Variants in PTPRM observed in about 807,000 individuals in gnomAD.
PTPRM encodes protein tyrosine phosphatase receptor type M.
In PTPRM, 47 loss-of-function variants were observed where a neutral mutation model predicts 186.7. That is an observed-to-expected ratio of 0.25 (90% CI 0.20 to 0.32). The LOEUF is 0.32. Among genes scored for constraint, PTPRM ranks in the 10% least tolerant of loss-of-function variants. The pLI is 1.00. For missense variants in PTPRM, 1,494 were observed against 1,865.0 expected, an observed-to-expected ratio of 0.80 and a Z score of 3.66; for synonymous variants, 668 against 674.9, an observed-to-expected ratio of 0.99 and a Z score of 0.16.
intron 15 of PTPRM, among the ~76,000 whole-genome samples, chr18:8,246,292 G>A (rs989091138): frequency 6.6e-6 from 1 of 152,150 alleles, no homozygotes; most frequent in Non-Finnish European, 1.5e-5. Context: ...TGTGAAGTGA[G>A]CAGTTTTTAG....
chr18:8,194,128 A>T (rs2093744046), intron 14 of PTPRM, among the ~76,000 whole-genome samples: 1 of 152,140 alleles, frequency 6.6e-6, no homozygotes, highest in South Asian at 2.1e-4. Flanking sequence ...CCCTTATTTT[A>T]TGTGTCTAAA....
chr18:8,268,494 A>G (rs905420741), intron 19 of PTPRM, among the ~76,000 whole-genome samples: 23 of 152,276 alleles, frequency 1.5e-4, no homozygotes, highest in African/African-American at 5.5e-4. Context: ...AATTCTACCA[A>G]ACATTTAAAG....
At chr18:8,320,652 A>G (rs1188873367) in intron 22 of PTPRM, among the ~76,000 whole-genome samples, 2 of 152,208 alleles carry the variant, frequency 1.3e-5, no homozygotes, top group Non-Finnish European at 2.9e-5. Context: ...CTATGGCTGA[A>G]ATGGAGCCAC....
chr18:8,390,642 G>A (rs2095804939), intron 31 of PTPRM, among the ~76,000 whole-genome samples: 1 of 152,168 alleles, frequency 6.6e-6, no homozygotes, highest in African/African-American at 2.4e-5. Flanking sequence ...GACAAAAGAT[G>A]TCCCAGCCCA....
At chr18:8,084,658 C>G (rs547164086) in intron 9 of PTPRM, among the ~76,000 whole-genome samples, 2 of 152,200 alleles carry the variant, frequency 1.3e-5, no homozygotes, top group East Asian at 3.9e-4. Context: ...ACATAAATTA[C>G]AAGTAAGTTT....
At chr18:7,709,621 G>C (rs1388925666) in intron 1 of PTPRM, among the ~76,000 whole-genome samples, 1 of 152,002 alleles carries the variant, frequency 6.6e-6, no homozygotes, top group Non-Finnish European at 1.5e-5. Context: ...CAAAAAGCTG[G>C]TTATTTGAAA....
chr18:7,864,289 G>A (rs1205984093), intron 2 of PTPRM, among the ~76,000 whole-genome samples: 1 of 152,140 alleles, frequency 6.6e-6, no homozygotes, highest in African/African-American at 2.4e-5. Flanking sequence ...TGTCCTGAAT[G>A]GTATTGACTA....
intron 14 of PTPRM, among the ~76,000 whole-genome samples, chr18:8,172,979 G>T (rs988246157): frequency 2.0e-5 from 3 of 152,058 alleles, no homozygotes; most frequent in Non-Finnish European, 2.9e-5. Context: ...TGTTTTTCTT[G>T]TGCTTATTTA....
chr18:8,081,831 C>A (rs911438272), intron 9 of PTPRM, among the ~76,000 whole-genome samples: 15 of 152,100 alleles, frequency 9.9e-5, no homozygotes, highest in Non-Finnish European at 2.2e-4. Context: ...GGGAGAGGAT[C>A]TGTAATTTTT....
intron 2 of PTPRM, among the ~76,000 whole-genome samples, chr18:7,810,625 G>T (rs138631952): frequency 2.0e-3 from 308 of 152,148 alleles, no homozygotes; most frequent in African/African-American, 7.2e-3. Context: ...GACTGGGGTG[G>T]GGGGAGGAGG....
At chr18:7,828,892 A>G (rs1034297666) in intron 2 of PTPRM, among the ~76,000 whole-genome samples, 4 of 152,150 alleles carry the variant, frequency 2.6e-5, no homozygotes, top group African/African-American at 9.7e-5. Flanking sequence ...CGTTTACACA[A>G]ATGAATGATG....
chr18:7,747,116 G>A (rs1265090266), intron 1 of PTPRM, among the ~76,000 whole-genome samples: 1 of 152,086 alleles, frequency 6.6e-6, no homozygotes, highest in Non-Finnish European at 1.5e-5. Context: ...CTTTTCTCTG[G>A]CTTTTTTGAT....
intron 14 of PTPRM, among the ~76,000 whole-genome samples, chr18:8,213,136 T>G (rs1244734629): frequency 6.6e-6 from 1 of 152,188 alleles, no homozygotes; most frequent in Admixed American, 6.5e-5. Context: ...GTCATGAACA[T>G]TTCATCATAG....
chr18:8,006,999 G>T (rs7233195), intron 7 of PTPRM, among the ~76,000 whole-genome samples: 1 of 151,994 alleles, frequency 6.6e-6, no homozygotes, highest in East Asian at 1.9e-4. Flanking sequence ...TGTCAACTCT[G>T]TCCAAAAGGT....
At chr18:8,197,494 C>A (rs1380784348) in intron 14 of PTPRM, among the ~76,000 whole-genome samples, 1 of 152,190 alleles carries the variant, frequency 6.6e-6, no homozygotes, top group Non-Finnish European at 1.5e-5. Context: ...ACTTTCATTT[C>A]CATTCACAGG....
intron 7 of PTPRM, among the ~76,000 whole-genome samples, chr18:7,972,635 C>T (rs2054635452): frequency 6.6e-6 from 1 of 151,460 alleles, no homozygotes; most frequent in African/African-American, 2.4e-5. Flanking sequence ...TATTCTTTAG[C>T]TCAGCTATAA....
intron 23 of PTPRM, among the ~76,000 whole-genome samples, chr18:8,360,147 A>T (rs2095588182): frequency 6.6e-6 from 1 of 152,240 alleles, no homozygotes; most frequent in South Asian, 2.1e-4. Context: ...ACAAAGTGGC[A>T]AAGACATCAG....
At chr18:7,699,701 T>TA (rs1244973954) in intron 1 of PTPRM, among the ~76,000 whole-genome samples, 1 of 150,634 alleles carries the variant, frequency 6.6e-6, no homozygotes, top group East Asian at 2.0e-4. Context: ...CAAAAGCTAT[T>TA]AATTTTAATA....
intron 7 of PTPRM, among the ~76,000 whole-genome samples, chr18:8,052,103 T>A (rs2087543478): frequency 6.6e-6 from 1 of 152,202 alleles, no homozygotes; most frequent in African/African-American, 2.4e-5. Flanking sequence ...CCTGAGTATC[T>A]GCATTCCTAG....
Sources: gnomAD v4.1 joint callset for allele counts (sites outside exome capture counted in the v4.1 genomes callset) on GRCh38, gnomAD v4.1.1 for gene constraint, MANE v1.5 for transcripts, NCBI Gene and HGNC (gene_info 2026-07-23, HGNC 2026-07-21) for gene names.